The following FAM222A variants were observed in gnomAD, a reference collection of about 807,000 sequenced individuals.
FAM222A encodes the protein family with sequence similarity 222 member A, also known as protein FAM222A.
FAM222A carries 7 observed loss-of-function variants against 25.8 expected under a neutral mutation model. The observed-to-expected ratio is 0.27, with a 90% confidence interval of 0.15 to 0.51. The LOEUF (loss-of-function observed/expected upper bound fraction) is 0.51. FAM222A is among the 20% of genes least tolerant of loss of function. The pLI is 0.97. For synonymous variants in FAM222A, 294 were observed against 298.8 expected (o/e 0.98, Z 0.17); for missense variants, 573 against 640.5 (o/e 0.89, Z 1.14).
Position 109,744,136 on chromosome 12 carries a change from C to G in FAM222A, c.-11C>G. 1.2e-6 allele frequency: 2 copies of G among 1,612,208 alleles called. No homozygotes were observed. Among genetic ancestry groups the G allele is most frequent in the Non-Finnish European group, 1.7e-6 (2 of 1,179,720 alleles). The stretch of plus-strand genomic sequence containing the variant: ...GCAGAGCGCACCCCACTGGGGACCC[C>G]CAGCTCAGCCATGCTGGCCTGTCTG... On this transcript the variant is annotated 5_prime_UTR_variant, in exon 2 of 3. Coordinates refer to ENST00000538780, the MANE Select transcript of FAM222A (RefSeq NM_032829.3).
chr12:109,769,410 G>C lies in FAM222A; in HGVS notation c.*122G>C. 1.6e-6 allele frequency: 2 copies of C among 1,274,586 alleles called. No individual in the cohort carries two copies. Among genetic ancestry groups the C allele is most frequent in the Non-Finnish European group, 2.1e-6 (2 of 949,312 alleles). 79.0% of individuals were successfully genotyped at this position (1,274,586 alleles called of 1,614,324 possible). On this transcript the variant is annotated 3_prime_UTR_variant, in exon 3 of 3. Coordinates refer to ENST00000538780, the MANE Select transcript of FAM222A (RefSeq NM_032829.3). ...ACCCTGTGCCTGCTGATGCCCACAGGGGAGCCAGGCTGGCTGCCGCCTCGC... is the reference window on the plus strand; with the variant it reads ...ACCCTGTGCCTGCTGATGCCCACAGCGGAGCCAGGCTGGCTGCCGCCTCGC...
chr12:109,721,180 C>T (rs193122134), intron 1 of FAM222A, among the ~76,000 whole-genome samples: 3 of 152,194 alleles, frequency 2.0e-5, no homozygotes, highest in Non-Finnish European at 4.4e-5. Context: ...AAGCAGCAGC[C>T]CTGGGCCACA....
intron 1 of FAM222A, among the ~76,000 whole-genome samples, chr12:109,738,771 T>C (rs747855979): frequency 1.4e-4 from 22 of 152,322 alleles, no homozygotes; most frequent in South Asian, 8.3e-4. Context: ...TGTACACAGC[T>C]GGATTAAGTT....
intron 1 of FAM222A, among the ~76,000 whole-genome samples, chr12:109,716,872 C>T (rs912047150): frequency 6.6e-6 from 1 of 152,242 alleles, no homozygotes; most frequent in Non-Finnish European, 1.5e-5. Context: ...ATATGCCAGG[C>T]GTTTTACATG....
intron 1 of FAM222A, among the ~76,000 whole-genome samples, chr12:109,738,803 C>T (rs1888154458): frequency 1.3e-5 from 2 of 152,254 alleles, no homozygotes; most frequent in Admixed American, 1.3e-4. Context: ...TGATCACATC[C>T]TCTTATGTCC....
chr12:109,767,988 C>G (rs761843049), intron 2 of FAM222A, 24 bp from the exon 3 acceptor site: 1 of 1,603,066 alleles, frequency 6.2e-7, no homozygotes. Context: ...CTGATGGGCC[C>G]TCACACCTGC....
chr12:109,768,911 C>T lies in FAM222A; in HGVS notation c.982C>T (p.Pro328Ser). The part of the protein sequence containing the change: ...GRAYERASGS[P>S]LNCGVGLPTS... ...GGCATACGAGCGGGCCAGCGGGTCA[C>T]CCCTCAACTGTGGCGTGGGGCTGCC... The change falls in exon 3 of 3, where the codon CCC (proline) becomes TCC (serine). Residue 328 changes from proline (P) to serine (S), a missense_variant. Pro to Ser is a moderately conservative substitution (Grantham distance 74). Transcript: ENST00000538780. The T allele has an allele frequency of 1.3e-6, 2 of 1,582,392 alleles. No homozygotes were observed. Among genetic ancestry groups the T allele is most frequent in the Admixed American group, 1.7e-5 (1 of 57,532 alleles).
intron 1 of FAM222A, among the ~76,000 whole-genome samples, chr12:109,718,800 A>T (rs1887697127): frequency 6.6e-6 from 1 of 152,166 alleles, no homozygotes; most frequent in East Asian, 1.9e-4. Flanking sequence ...TAAGCTACTG[A>T]CATCTTTTGA....
At position 109,736,408 on chromosome 12, in the gene FAM222A, T is replaced by C. The variant is rs115646599; in HGVS notation, c.-46-7693T>C. Among the ~76,000 whole-genome samples, 730 of 152,270 alleles carry C rather than the reference T, an allele frequency of 4.8e-3. 5 individuals are homozygous for C. The highest frequency in any genetic ancestry group is 0.017 in the African/African-American group (695 of 41,544). Reference sequence around the variant, plus strand: ...TAACCCCTTTTGCAGACGCAGAAACTAAGGCTCAGAGAGGAGGGAGGGATT... The same window carrying C: ...TAACCCCTTTTGCAGACGCAGAAACCAAGGCTCAGAGAGGAGGGAGGGATT... On this transcript the variant is annotated intron_variant, in intron 1 of 2. Transcript: ENST00000538780.
At chr12:109,717,444 A>C (rs554590268) in intron 1 of FAM222A, among the ~76,000 whole-genome samples, 3 of 152,342 alleles carry the variant, frequency 2.0e-5, no homozygotes, top group South Asian at 2.1e-4. Context: ...TTCCTGACCC[A>C]GCCTGAGGGT....
intron 1 of FAM222A, among the ~76,000 whole-genome samples, chr12:109,722,228 A>G (rs924673600): frequency 6.6e-6 from 1 of 152,186 alleles, no homozygotes; most frequent in South Asian, 2.1e-4. Flanking sequence ...AGATGTGGCT[A>G]GAATGTGGAG....
At chr12:109,739,442 G>A (rs1888177027) in intron 1 of FAM222A, among the ~76,000 whole-genome samples, 1 of 152,228 alleles carries the variant, frequency 6.6e-6, no homozygotes, top group African/African-American at 2.4e-5. Flanking sequence ...TGCTTGGGAA[G>A]TGTTTGCTGC....
At chr12:109,715,597 C>A (rs1887628218) in intron 1 of FAM222A, among the ~76,000 whole-genome samples, 1 of 152,156 alleles carries the variant, frequency 6.6e-6, no homozygotes, top group Admixed American at 6.5e-5. Context: ...CCCCCCACCC[C>A]TACCATTGCA....
intron 1 of FAM222A, among the ~76,000 whole-genome samples, chr12:109,723,956 T>G (rs1262880297): frequency 6.6e-6 from 1 of 152,222 alleles, no homozygotes; most frequent in Non-Finnish European, 1.5e-5. Flanking sequence ...CCCTTTTTTT[T>G]TCTCCCCACC....
chr12:109,747,397 A>G (rs981400853), intron 2 of FAM222A, among the ~76,000 whole-genome samples: 2 of 152,178 alleles, frequency 1.3e-5, no homozygotes, highest in South Asian at 2.1e-4. Flanking sequence ...GCCCAGCCCT[A>G]TAGTACATTT....
intron 2 of FAM222A, among the ~76,000 whole-genome samples, chr12:109,748,508 GTTA>G (rs1238777971): frequency 1.3e-5 from 2 of 152,010 alleles, no homozygotes; most frequent in African/African-American, 4.8e-5. Flanking sequence ...GGCTAGTGCA[GTTA>G]TTTGGGGTGA....
intron 2 of FAM222A, among the ~76,000 whole-genome samples, chr12:109,760,244 G>A (rs1888854492): frequency 6.6e-6 from 1 of 152,204 alleles, no homozygotes; most frequent in Non-Finnish European, 1.5e-5. Context: ...TTTGCATAGG[G>A]GCGTGGGGCA....
At chr12:109,742,550 G>A (rs188724995) in intron 1 of FAM222A, among the ~76,000 whole-genome samples, 42 of 152,058 alleles carry the variant, frequency 2.8e-4, no homozygotes, top group African/African-American at 1.0e-3. Flanking sequence ...TGGCGATTGG[G>A]GAGGGGGCGG....
At chr12:109,735,426 G>A (rs1888059655) in intron 1 of FAM222A, among the ~76,000 whole-genome samples, 1 of 152,160 alleles carries the variant, frequency 6.6e-6, no homozygotes, top group Non-Finnish European at 1.5e-5. Context: ...CTGAGCCTGT[G>A]GAGAACACTA....
Sources: gnomAD v4.1 joint callset for allele counts (sites outside exome capture counted in the v4.1 genomes callset) on GRCh38, gnomAD v4.1.1 for gene constraint, MANE v1.5 for transcripts, NCBI Gene and HGNC (gene_info 2026-07-23, HGNC 2026-07-21) for gene names.